Variants in TMEM150C observed in about 807,000 individuals in gnomAD.
TMEM150C encodes the protein tentonin 3.
TMEM150C carries 10 observed loss-of-function variants against 29.9 expected under a neutral mutation model. The observed-to-expected ratio is 0.33, with a 90% CI of 0.21 to 0.57. The LOEUF (loss-of-function observed/expected upper bound fraction) is 0.57, where lower values mean the gene tolerates loss of function less well. TMEM150C is among the 20% of genes least tolerant of loss of function. TMEM150C has a pLI of 0.88. For missense variants in TMEM150C, 251 were observed against 303.6 expected (o/e 0.83, Z 1.29); for synonymous variants, 101 against 112.5 (o/e 0.90, Z 0.64).
intron 1 of TMEM150C, among the ~76,000 whole-genome samples, chr4:82,515,379 G>A (rs1724258219): frequency 6.6e-6 from 1 of 152,164 alleles, no homozygotes; most frequent in Admixed American, 6.5e-5. Flanking sequence ...TGGGTAACAT[G>A]ACTAATTTCA....
intron 6 of TMEM150C, chr4:82,495,209 G>A (rs1056864713): frequency 3.1e-5 from 10 of 318,736 alleles, no homozygotes; most frequent in Non-Finnish European, 5.4e-5. Flanking sequence ...TTGGGAGGCC[G>A]AGGCGGGCAG....
Position 82,502,938 on chromosome 4 carries a change from A to G in TMEM150C, c.135-11T>C, listed in dbSNP as rs756560267. 1 of 1,478,634 alleles carries G rather than the reference A, an allele frequency of 6.8e-7. No homozygotes were observed. The highest frequency in any genetic ancestry group is 1.2e-5 in the South Asian group (1 of 80,576). 91.6% of individuals were successfully genotyped at this position (1,478,634 alleles called of 1,614,324 possible). A position where few individuals can be genotyped will look rare whatever the true frequency, so the allele number is the denominator to read the frequency against. On this transcript the variant is annotated splice_polypyrimidine_tract_variant and intron_variant, in intron 3 of 7. Transcript: ENST00000449862. ...TTCACACCAGGTTTCCTGGATAATA[A>G]AAAAAAAAAACACAGAAGCTCAGGT...
At chr4:82,517,016 A>G (rs1417656997) in intron 1 of TMEM150C, among the ~76,000 whole-genome samples, 11 of 152,208 alleles carry the variant, frequency 7.2e-5, no homozygotes, top group Admixed American at 7.2e-4. Flanking sequence ...CAGAATGAAA[A>G]ACAGTGAGAC....
chr4:82,560,777 C>T (rs991529224), intron 1 of TMEM150C, among the ~76,000 whole-genome samples: 64 of 152,182 alleles, frequency 4.2e-4, no homozygotes, highest in African/African-American at 1.4e-3. Flanking sequence ...ATTAAAATGT[C>T]TTTGGTTCAA....
At chr4:82,519,824 A>T (rs1277906297) in intron 1 of TMEM150C, among the ~76,000 whole-genome samples, 2 of 152,260 alleles carry the variant, frequency 1.3e-5, no homozygotes, top group East Asian at 3.8e-4. Flanking sequence ...AAAAAAATAG[A>T]ACAACTATAA....
At chr4:82,557,996 G>T (rs1197667231) in intron 1 of TMEM150C, among the ~76,000 whole-genome samples, 1 of 152,070 alleles carries the variant, frequency 6.6e-6, no homozygotes, top group Non-Finnish European at 1.5e-5. Flanking sequence ...CTCCCGAAGT[G>T]CTGGGATTAC....
upstream of TMEM150C, chr4:82,562,028 G>A (rs1464901035): frequency 1.2e-5 from 11 of 952,944 alleles, no homozygotes; most frequent in South Asian, 1.6e-4. Flanking sequence ...CTGCTCACCC[G>A]CCCGCCCGGC....
At chr4:82,528,513 T>C (rs958648692) in intron 1 of TMEM150C, among the ~76,000 whole-genome samples, 4 of 151,998 alleles carry the variant, frequency 2.6e-5, no homozygotes, top group Non-Finnish European at 5.9e-5. Context: ...GAGATATGCA[T>C]AAAAATTCAT....
At chr4:82,527,061 A>G (rs1211107509) in intron 1 of TMEM150C, among the ~76,000 whole-genome samples, 1 of 115,922 alleles carries the variant, frequency 8.6e-6, no homozygotes, top group Non-Finnish European at 1.7e-5. Context: ...AATTGCCCAT[A>G]TCTCCTATTT....
intron 6 of TMEM150C, among the ~76,000 whole-genome samples, chr4:82,493,524 C>T (rs1031826551): frequency 7.2e-5 from 11 of 152,096 alleles, no homozygotes; most frequent in Non-Finnish European, 1.5e-4. Context: ...TTCCGGCAAA[C>T]GTTCTTCATA....
chr4:82,522,061 TC>T (rs1480984175), intron 1 of TMEM150C, among the ~76,000 whole-genome samples: 3 of 151,762 alleles, frequency 2.0e-5, no homozygotes, highest in Non-Finnish European at 4.4e-5. Flanking sequence ...AGAACTTTAT[TC>T]AAAAAAAAAA....
intron 1 of TMEM150C, among the ~76,000 whole-genome samples, chr4:82,556,050 G>A (rs1725725013): frequency 6.6e-6 from 1 of 151,602 alleles, no homozygotes; most frequent in Non-Finnish European, 1.5e-5. Context: ...GCAGAGTTAG[G>A]ATTTGAACCT....
intron 5 of TMEM150C, among the ~76,000 whole-genome samples, chr4:82,501,231 C>T (rs1723727440): frequency 6.6e-6 from 1 of 152,182 alleles, no homozygotes; most frequent in Non-Finnish European, 1.5e-5. Flanking sequence ...CTCCTGGCAG[C>T]TCTGAGGCTG....
chr4:82,532,268 G>A (rs1465261948), intron 1 of TMEM150C, among the ~76,000 whole-genome samples: 1 of 152,190 alleles, frequency 6.6e-6, no homozygotes, highest in African/African-American at 2.4e-5. Flanking sequence ...AATATTTCTG[G>A]ATTTGTCAAA....
In TMEM150C at chr4:82,496,169, T is replaced by A. The variant is rs1450684200; in HGVS notation, c.262A>T (p.Ile88Leu). 2 of 1,613,928 alleles carry A rather than the reference T, an allele frequency of 1.2e-6. No individual in the cohort carries two copies. ...LALVVAVLRF[I>L]QLKPKVLNPW... is the part of the protein sequence containing the mutation. ...TTTAAAACCTTCGGTTTCAGTTGTA[T>A]GAAGCGCAGAACAGCTACCACAAGG... The change falls in exon 6 of 8, where the codon ATA becomes TTA. Residue 88 changes from isoleucine (I) to leucine (L), a missense_variant. Transcript: ENST00000449862.
At chr4:82,494,243 T>G (rs765439911) in intron 6 of TMEM150C, among the ~76,000 whole-genome samples, 12 of 152,098 alleles carry the variant, frequency 7.9e-5, no homozygotes, top group Non-Finnish European at 1.2e-4. Flanking sequence ...GGGAGGGAAA[T>G]CAGTCAACCA....
At chr4:82,490,660 C>T (rs944260452) in intron 6 of TMEM150C, among the ~76,000 whole-genome samples, 7 of 152,068 alleles carry the variant, frequency 4.6e-5, no homozygotes, top group South Asian at 2.1e-4. Flanking sequence ...AATACAGTGG[C>T]GTGATCACGG....
At chr4:82,530,924 G>A (rs935338958) in intron 1 of TMEM150C, among the ~76,000 whole-genome samples, 1 of 152,110 alleles carries the variant, frequency 6.6e-6, no homozygotes, top group Non-Finnish European at 1.5e-5. Flanking sequence ...TAAATAACCA[G>A]ATCTCATGAT....
intron 1 of TMEM150C, among the ~76,000 whole-genome samples, chr4:82,560,224 A>G (rs1271601340): frequency 6.6e-6 from 1 of 152,236 alleles, no homozygotes; most frequent in Non-Finnish European, 1.5e-5. Flanking sequence ...GAAGACTTAA[A>G]TGCCAATTTA....
Sources: allele counts gnomAD v4.1 joint callset (sites outside exome capture counted in the v4.1 genomes callset), GRCh38; gene constraint gnomAD v4.1.1; transcripts MANE v1.5; gene names NCBI Gene and HGNC (gene_info 2026-07-23, HGNC 2026-07-21).